Variants in XYLT1 observed in about 807,000 individuals in gnomAD.
The protein encoded by XYLT1 is beta-D-xylosyltransferase 1.
A neutral mutation model predicts 91.3 loss-of-function variants in XYLT1; 36 were observed. The ratio of observed to expected loss-of-function variants is 0.39; its 90% confidence interval spans 0.30 to 0.52. The LOEUF is 0.52. XYLT1 is among the 20% of genes least tolerant of loss of function. The pLI is 0.68. For synonymous variants in XYLT1, 588 were observed against 532.0 expected (o/e 1.11, Z -1.45); for missense variants, 1,242 against 1,284.5 (o/e 0.97, Z 0.51).
intron 10 of XYLT1, among the ~76,000 whole-genome samples, chr16:17,124,788 T>G (rs904197354): frequency 2.0e-4 from 17 of 86,254 alleles, no homozygotes; most frequent in African/African-American, 5.5e-4. Flanking sequence ...CTTTGTTCAT[T>G]TTTTAAAAAT....
At chr16:17,198,930 G>A (rs2032482598) in intron 4 of XYLT1, among the ~76,000 whole-genome samples, 1 of 152,140 alleles carries the variant, frequency 6.6e-6, no homozygotes. Context: ...TTTTAGTAGA[G>A]ATGGGGCTTC....
At chr16:17,324,870 T>A (rs2034775649) in intron 2 of XYLT1, among the ~76,000 whole-genome samples, 1 of 152,226 alleles carries the variant, frequency 6.6e-6, no homozygotes, top group East Asian at 1.9e-4. Context: ...TCTCTTTTTT[T>A]CAAGCTTTGT....
Position 17,138,775 on chromosome 16 carries a change from A to T in XYLT1, c.1588-244T>A, listed in dbSNP as rs533411163. 34 of 452,304 alleles carry T rather than the reference A, an allele frequency of 7.5e-5. No homozygotes were observed. In the South Asian group the frequency reaches 1.0e-3, roughly 14 times the overall value. The allele number at this position is 452,304 out of a possible 1,614,324, so 28.0% of individuals were successfully genotyped here. ...CTTCATAGCAATGCAAAAATGTATA[A>T]CACAACTACCTGACTGTCAAGGGAC... On this transcript the variant is annotated intron_variant, in intron 7 of 11. Transcript: ENST00000261381.
At chr16:17,164,032 CTG>C (rs1453828816) in intron 5 of XYLT1, among the ~76,000 whole-genome samples, 1 of 24,412 alleles carries the variant, frequency 4.1e-5, no homozygotes, top group African/African-American at 8.5e-5. Flanking sequence ...GAGCGAAACT[CTG>C]TCTCAAAAAA....
chr16:17,249,460 A>T (rs4780707), intron 3 of XYLT1, among the ~76,000 whole-genome samples: 99,964 of 152,116 alleles, frequency 0.66, 35,218 homozygotes, highest in African/African-American at 0.91. Context: ...GCCCCTGGCA[A>T]GTCTTTCCCC....
At chr16:17,232,450 C>CTATATACATATATATAT (rs2033179873) in intron 3 of XYLT1, among the ~76,000 whole-genome samples, 1 of 113,286 alleles carries the variant, frequency 8.8e-6, no homozygotes, top group Admixed American at 1.0e-4. Context: ...TATATATATA[C>CTATATACATATATATAT]ATATATATAT....
intron 1 of XYLT1, among the ~76,000 whole-genome samples, chr16:17,435,486 C>T (rs1299048048): frequency 1.3e-5 from 2 of 152,124 alleles, no homozygotes; most frequent in South Asian, 2.1e-4. Context: ...CTGCAGTAAA[C>T]GAAGAAGTGT....
At chr16:17,171,646 G>GAAAT (rs2031822275) in intron 5 of XYLT1, among the ~76,000 whole-genome samples, 1 of 152,194 alleles carries the variant, frequency 6.6e-6, no homozygotes, top group Non-Finnish European at 1.5e-5. Context: ...ACAGTTCCTA[G>GAAAT]GCAAAGAAAA....
At chr16:17,293,535 T>G (rs921413970) in intron 2 of XYLT1, among the ~76,000 whole-genome samples, 6 of 146,362 alleles carry the variant, frequency 4.1e-5, no homozygotes, top group African/African-American at 1.3e-4. Context: ...AGTCTCCTTC[T>G]GTAGTGCAGC....
chr16:17,158,553 G>C (rs765854691), intron 6 of XYLT1, among the ~76,000 whole-genome samples: 1 of 152,196 alleles, frequency 6.6e-6, no homozygotes, highest in Non-Finnish European at 1.5e-5. Context: ...CTACTGAAAG[G>C]GTTGCTGCAA....
chr16:17,358,415 G>C (rs1162027774), intron 1 of XYLT1, among the ~76,000 whole-genome samples: 1 of 152,084 alleles, frequency 6.6e-6, no homozygotes, highest in African/African-American at 2.4e-5. Flanking sequence ...GGGATTATAA[G>C]CATGAGCCAC....
At chr16:17,315,273 G>A (rs1314208561) in intron 2 of XYLT1, among the ~76,000 whole-genome samples, 2 of 152,088 alleles carry the variant, frequency 1.3e-5, no homozygotes, top group Non-Finnish European at 2.9e-5. Context: ...CAGCTACCCT[G>A]GTCTCCATCT....
chr16:17,385,436 G>A (rs2035737407), intron 1 of XYLT1, among the ~76,000 whole-genome samples: 1 of 151,724 alleles, frequency 6.6e-6, no homozygotes. Context: ...TGTCTGATTT[G>A]ATCTGTTTCC....
At chr16:17,326,049 A>G (rs563953659) in intron 2 of XYLT1, among the ~76,000 whole-genome samples, 12 of 152,194 alleles carry the variant, frequency 7.9e-5, no homozygotes, top group Non-Finnish European at 1.5e-4. Context: ...TACTTAATGT[A>G]TGCATTTTGA....
At chr16:17,121,895 A>G (rs1029107771) in intron 10 of XYLT1, among the ~76,000 whole-genome samples, 1 of 152,094 alleles carries the variant, frequency 6.6e-6, no homozygotes, top group Non-Finnish European at 1.5e-5. Flanking sequence ...ATGGTCTCCA[A>G]TTCCATCCAG....
At chr16:17,465,568 G>T (rs549827773) in intron 1 of XYLT1, among the ~76,000 whole-genome samples, 4 of 142,400 alleles carry the variant, frequency 2.8e-5, no homozygotes, top group African/African-American at 1.0e-4. Context: ...GGGGGGGGGG[G>T]GGTGAGCATT....
chr16:17,338,311 G>A (rs952131297), intron 2 of XYLT1: 12 of 456,246 alleles, frequency 2.6e-5, no homozygotes, highest in Non-Finnish European at 4.4e-5. Flanking sequence ...TTACCTACAC[G>A]ATACATCTGA....
At chr16:17,266,392 T>A (rs923786032) in intron 2 of XYLT1, among the ~76,000 whole-genome samples, 1 of 152,220 alleles carries the variant, frequency 6.6e-6, no homozygotes, top group Non-Finnish European at 1.5e-5. Context: ...TCCAAGCCTG[T>A]TGCATGTACT....
intron 2 of XYLT1, 97 bp from the exon 3 acceptor site, chr16:17,259,595 C>T (rs2033692107): frequency 1.2e-5 from 17 of 1,431,688 alleles, no homozygotes; most frequent in South Asian, 8.1e-5. Context: ...ACTTGGAAGC[C>T]GGGGCCATAG....
Sources: gnomAD v4.1 joint callset for allele counts (sites outside exome capture counted in the v4.1 genomes callset) on GRCh38, gnomAD v4.1.1 for gene constraint, MANE v1.5 for transcripts, NCBI Gene and HGNC (gene_info 2026-07-23, HGNC 2026-07-21) for gene names.